EGFL8: variants seen among roughly 807,000 people sequenced by gnomAD.
The protein encoded by EGFL8 is epidermal growth factor-like protein 8.
EGFL8 carries 32 observed loss-of-function variants against 39.4 expected under a neutral mutation model. That is an observed-to-expected ratio of 0.81 (90% CI 0.61 to 1.09). EGFL8 has a LOEUF of 1.09. Ranked by LOEUF, EGFL8 falls within the 50% of genes least tolerant of loss-of-function variation. The pLI, the probability that EGFL8 is intolerant of heterozygous loss-of-function variation, is 0.00. For missense variants in EGFL8, 385 were observed against 402.2 expected (o/e 0.96, Z 0.37); for synonymous variants, 177 against 168.5 (o/e 1.05, Z -0.39).
At position 32,168,066 on chromosome 6, in the gene EGFL8, C is replaced by A; in HGVS notation, c.*110C>A. 1 of 1,133,016 alleles carries A rather than the reference C, an allele frequency of 8.8e-7. No individual in the cohort carries two copies. The highest frequency in any genetic ancestry group is 1.3e-6 in the Non-Finnish European group (1 of 754,636). The allele number at this position is 1,133,016 out of a possible 1,614,324, so 70.2% of individuals were successfully genotyped here. Reference sequence around the variant, plus strand: ...GATAAGGCTATCAGCCACCAAAGAGCAATGAACAATGGAAACTTCAGAGAG... The same window carrying A: ...GATAAGGCTATCAGCCACCAAAGAGAAATGAACAATGGAAACTTCAGAGAG... On this transcript the variant is annotated 3_prime_UTR_variant, in exon 9 of 9. Transcript: ENST00000333845. The surrounding 1 kb of genome is among the most constrained non-coding windows in gnomAD (Gnocchi z 4.5).
chr6:32,167,546 T>C lies in EGFL8; in HGVS notation c.725T>C (p.Val242Ala), dbSNP rs2127406765. ...AGAWVRAVLPVPPEELQPEQV... is the reference protein window; with the variant it reads ...AGAWVRAVLPAPPEELQPEQV... ...GCCTGGGTCAGAGCGGTGCTGCCCGTGCCGCCTGAAGAGCTGCAGCCAGAA... is the reference window on the plus strand; with the variant it reads ...GCCTGGGTCAGAGCGGTGCTGCCCGCGCCGCCTGAAGAGCTGCAGCCAGAA... The change falls in exon 8 of 9, where the codon GTG (valine) becomes GCG (alanine). Residue 242 changes from valine to alanine, a missense_variant. Transcript: ENST00000333845. The surrounding 1 kb of genome is among the most constrained non-coding windows in gnomAD (Gnocchi z 6.4). 2 of 1,609,004 alleles carry C rather than the reference T, an allele frequency of 1.2e-6. No individual in the cohort carries two copies. Among genetic ancestry groups the C allele is most frequent in the Non-Finnish European group, 1.7e-6 (2 of 1,179,808 alleles).
In EGFL8 at chr6:32,167,463, A is replaced by G. The variant is rs1315198346; in HGVS notation, c.681+34A>G. ...AGCCTGCTGGGTGGGGCGAGGCCAGACGTCACTGTCAATACCCTGAGGCAT... is the reference window on the plus strand; with the variant it reads ...AGCCTGCTGGGTGGGGCGAGGCCAGGCGTCACTGTCAATACCCTGAGGCAT... On this transcript the variant is annotated intron_variant, in intron 7 of 8. Coordinates refer to ENST00000333845, the MANE Select transcript of EGFL8 (RefSeq NM_030652.4). This position sits in a 1 kb window ranked among gnomAD's most constrained non-coding sequence, Gnocchi z 6.4. 6.2e-7 allele frequency: 1 copy of G among 1,611,672 alleles called. No homozygotes were observed. Among genetic ancestry groups the G allele is most frequent in the Non-Finnish European group, 8.5e-7 (1 of 1,180,006 alleles).
Position 32,167,437 on chromosome 6 carries a change from A to G in EGFL8, c.681+8A>G. The stretch of plus-strand genomic sequence containing the variant: ...CTGGAGCGGCTGGAGCAGGTGAGCC[A>G]AGCCTGCTGGGTGGGGCGAGGCCAG... On this transcript the variant is annotated splice_region_variant and intron_variant, in intron 7 of 8. Coordinates refer to ENST00000333845, the MANE Select transcript of EGFL8 (RefSeq NM_030652.4). This position sits in a 1 kb window ranked among gnomAD's most constrained non-coding sequence, Gnocchi z 6.4. 6.2e-7 allele frequency: 1 copy of G among 1,612,806 alleles called. No homozygotes were observed. The highest frequency in any genetic ancestry group is 1.3e-5 in the African/African-American group (1 of 75,066).
In EGFL8 at chr6:32,164,789, G is replaced by T; in HGVS notation, c.-29+132G>T. 1 of 638,734 alleles carries T rather than the reference G, an allele frequency of 1.6e-6. No individual in the cohort carries two copies. Among genetic ancestry groups the T allele is most frequent in the Non-Finnish European group, 2.9e-6 (1 of 345,366 alleles). The allele number at this position is 638,734 out of a possible 1,614,324, so 39.6% of individuals were successfully genotyped here. On this transcript the variant is annotated intron_variant, in intron 1 of 8. Coordinates refer to ENST00000333845, the MANE Select transcript of EGFL8 (RefSeq NM_030652.4). The surrounding 1 kb of genome is among the most constrained non-coding windows in gnomAD (Gnocchi z 5.4). ...GTTGGAGCAAGGGATGTGCATTTAG[G>T]GCGTTATGTGACGGTGTGGGTATAT...
chr6:32,167,161 G>A lies in EGFL8; in HGVS notation c.505G>A (p.Gly169Ser), dbSNP rs769743170. The A allele has an allele frequency of 1.1e-5, 17 of 1,612,926 alleles. No individual in the cohort carries two copies. Among genetic ancestry groups the A allele is most frequent in the Non-Finnish European group, 8.5e-6 (10 of 1,180,052 alleles). ...TAATACGGCAGGCAGCTTCACCTGCGGCTGCCCCCATGACCTAGTGCTAGG... is the reference window on the plus strand; with the variant it reads ...TAATACGGCAGGCAGCTTCACCTGCAGCTGCCCCCATGACCTAGTGCTAGG... The part of the protein sequence containing the change: ...CFNTAGSFTC[G>S]CPHDLVLGVD... Residue 169 changes from glycine to serine, a missense_variant, in exon 6 of 9, where the codon GGC becomes AGC. Gly to Ser is a moderately conservative substitution (Grantham distance 56). Transcript: ENST00000333845. This position sits in a 1 kb window ranked among gnomAD's most constrained non-coding sequence, Gnocchi z 6.4.
Position 32,166,533 on chromosome 6 carries a change from C to CG in EGFL8, c.138dup (p.Leu47AlafsTer65). ...TGCTCCAAGCAGACACTGGTGGTCC[C>CG]GCTCCACTACAACGAGTCCTACAGC... On this transcript the variant is annotated frameshift_variant, in exon 3 of 9. Coordinates refer to ENST00000333845, the MANE Select transcript of EGFL8 (RefSeq NM_030652.4). LOFTEE classifies it high-confidence loss of function. The surrounding 1 kb of genome is among the most constrained non-coding windows in gnomAD (Gnocchi z 7.3). The CG allele has an allele frequency of 6.2e-7, 1 of 1,613,898 alleles. No individual in the cohort carries two copies. The highest frequency in any genetic ancestry group is 8.5e-7 in the Non-Finnish European group (1 of 1,180,014).
rs756383733 is a variant in EGFL8 at position 32,166,935 on chromosome 6, C to T, written c.360C>T (p.Asn120=). The T allele has an allele frequency of 1.4e-5, 23 of 1,612,682 alleles. No individual in the cohort carries two copies. Among genetic ancestry groups the T allele is most frequent in the Non-Finnish European group, 1.7e-5 (20 of 1,179,300 alleles). The change falls in exon 5 of 9, where the codon AAC becomes AAT. Residue 120 remains asparagine, a synonymous_variant. Coordinates refer to ENST00000333845, the MANE Select transcript of EGFL8 (RefSeq NM_030652.4). This position sits in a 1 kb window ranked among gnomAD's most constrained non-coding sequence, Gnocchi z 7.3. ...CCATCTGCGCCAAGCCTTGCCTGAA[C>T]GGAGGCGTCTGCGTTAGGCCTGACC... ...CEAICAKPCL[N]GGVCVRPDQC...
chr6:32,166,926 T>G lies in EGFL8; in HGVS notation c.351T>G (p.Pro117=). Residue 117 remains proline (P), a synonymous_variant, in exon 5 of 9, where the codon CCT becomes CCG. Coordinates refer to ENST00000333845, the MANE Select transcript of EGFL8 (RefSeq NM_030652.4). The surrounding 1 kb of genome is among the most constrained non-coding windows in gnomAD (Gnocchi z 7.3). ...ALTCEAICAK[P]CLNGGVCVRP... ...TGTCCTCAGCCATCTGCGCCAAGCC[T>G]TGCCTGAACGGAGGCGTCTGCGTTA... The G allele has an allele frequency of 6.2e-7, 1 of 1,612,288 alleles. No individual in the cohort carries two copies. Among genetic ancestry groups the G allele is most frequent in the Non-Finnish European group, 8.5e-7 (1 of 1,178,948 alleles).
In EGFL8 at chr6:32,166,448, G is replaced by C; in HGVS notation, c.102-50G>C. ...GGGAAGTGGGACTCCTGGCTCCCCAGGGCCTGGCCTACTCAATCTCTCCCA... is the reference window on the plus strand; with the variant it reads ...GGGAAGTGGGACTCCTGGCTCCCCACGGCCTGGCCTACTCAATCTCTCCCA... On this transcript the variant is annotated intron_variant, in intron 2 of 8. Coordinates refer to ENST00000333845, the MANE Select transcript of EGFL8 (RefSeq NM_030652.4). The surrounding 1 kb of genome is among the most constrained non-coding windows in gnomAD (Gnocchi z 7.3). 6.2e-7 allele frequency: 1 copy of C among 1,612,442 alleles called. No individual in the cohort carries two copies. The highest frequency in any genetic ancestry group is 8.5e-7 in the Non-Finnish European group (1 of 1,179,474).
rs1237466390 is a variant in EGFL8 at position 32,167,411 on chromosome 6, CCTGGAGCGG to C, written c.671_679del (p.Arg224_Glu226del). ...AGGAGATTCACGAGCTGCGAGGGCG[CCTGGAGCGG>C]CTGGAGCAGGTGAGCCAAGCCTGCT... On this transcript the variant is annotated inframe_deletion, in exon 7 of 9. Transcript: ENST00000333845. This position sits in a 1 kb window ranked among gnomAD's most constrained non-coding sequence, Gnocchi z 6.4. 6.2e-6 allele frequency: 10 copies of C among 1,612,880 alleles called. No individual in the cohort carries two copies. Among genetic ancestry groups the C allele is most frequent in the East Asian group, 4.5e-5 (2 of 44,896 alleles).
At position 32,167,389 on chromosome 6, in the gene EGFL8, A is replaced by G; in HGVS notation, c.641A>G (p.Glu214Gly). Residue 214 changes from glutamate to glycine, a missense_variant, in exon 7 of 9, where the codon GAG becomes GGG. Transcript: ENST00000333845. The surrounding 1 kb of genome is among the most constrained non-coding windows in gnomAD (Gnocchi z 6.4). ...AAAGATGAGCGCGCTCTGAAGCAGG[A>G]GATTCACGAGCTGCGAGGGCGCCTG... ...AEKDERALKQ[E>G]IHELRGRLER... The G allele has an allele frequency of 6.2e-7, 1 of 1,613,050 alleles. No homozygotes were observed. The highest frequency in any genetic ancestry group is 8.5e-7 in the Non-Finnish European group (1 of 1,180,024).
In EGFL8 at chr6:32,167,039, G is replaced by T; in HGVS notation, c.430+34G>T. On this transcript the variant is annotated intron_variant, in intron 5 of 8. Transcript: ENST00000333845. This position sits in a 1 kb window ranked among gnomAD's most constrained non-coding sequence, Gnocchi z 6.4. ...GCTTGTCCTCCCCACCTACCCAGGT[G>T]CTTGCCCCCGCCCCCTCTCTCAGCC... The T allele has an allele frequency of 6.2e-7, 1 of 1,612,950 alleles. No homozygotes were observed. Among genetic ancestry groups the T allele is most frequent in the African/African-American group, 1.3e-5 (1 of 75,064 alleles).
Position 32,167,632 on chromosome 6 carries a change from C to T in EGFL8, c.811C>T (p.Leu271=), listed in dbSNP as rs1367504742. 2 of 1,609,906 alleles carry T rather than the reference C, an allele frequency of 1.2e-6. No homozygotes were observed. The highest frequency in any genetic ancestry group is 1.1e-5 in the South Asian group (1 of 90,836). ...RIESLSDQVL[L]LEERLGACSC... The stretch of plus-strand genomic sequence containing the variant: ...CGAATCTCTCAGCGACCAGGTGCTG[C>T]TGCTGGAGGAGAGGCTAGGTGCCTG... Residue 271 remains leucine, a synonymous_variant, in exon 8 of 9, where the codon CTG becomes TTG. Coordinates refer to ENST00000333845, the MANE Select transcript of EGFL8 (RefSeq NM_030652.4). This position sits in a 1 kb window ranked among gnomAD's most constrained non-coding sequence, Gnocchi z 6.4.
At position 32,166,803 on chromosome 6, in the gene EGFL8, C is replaced by T. The variant is rs145530750; in HGVS notation, c.327C>T (p.Thr109=). ...GWKKRHPGAL[T]CEAICAKPCL... ...AGAAGCGGCACCCGGGGGCGCTCAC[C>T]TGTGAAGGTGAGGCTGGGTCTTCCG... The change falls in exon 4 of 9, where the codon ACC becomes ACT. Residue 109 remains threonine (T), a synonymous_variant. Transcript: ENST00000333845. The surrounding 1 kb of genome is among the most constrained non-coding windows in gnomAD (Gnocchi z 7.3). The T allele has an allele frequency of 2.5e-6, 4 of 1,572,148 alleles. No individual in the cohort carries two copies. The highest frequency in any genetic ancestry group is 3.5e-6 in the Non-Finnish European group (4 of 1,157,850).
chr6:32,168,190 A>G lies in EGFL8; in HGVS notation c.*234A>G. On this transcript the variant is annotated 3_prime_UTR_variant, in exon 9 of 9. Coordinates refer to ENST00000333845, the MANE Select transcript of EGFL8 (RefSeq NM_030652.4). This position sits in a 1 kb window ranked among gnomAD's most constrained non-coding sequence, Gnocchi z 4.5. The stretch of plus-strand genomic sequence containing the variant: ...GAACTGCTTCTTCAATTCCTTAACA[A>G]ATGCAACCACCAACACCCAGATCTC... 2.0e-6 allele frequency: 1 copy of G among 497,480 alleles called. No homozygotes were observed. The highest frequency in any genetic ancestry group is 3.6e-6 in the Non-Finnish European group (1 of 276,430). 30.8% of individuals were successfully genotyped at this position (497,480 alleles called of 1,614,324 possible). A position where few individuals can be genotyped will look rare whatever the true frequency, so the allele number is the denominator to read the frequency against.
At position 32,166,317 on chromosome 6, in the gene EGFL8, T is replaced by C; in HGVS notation, c.101+51T>C. 6.2e-7 allele frequency: 1 copy of C among 1,603,970 alleles called. No homozygotes were observed. The highest frequency in any genetic ancestry group is 8.5e-7 in the Non-Finnish European group (1 of 1,172,460). ...GGGTGAGCTCTTCTCAGGAGCCTTC[T>C]GCTGGGGGTGGGGCTTCACAGGAGG... is the stretch of plus-strand genomic sequence containing the variant. On this transcript the variant is annotated intron_variant, in intron 2 of 8. Transcript: ENST00000333845. The surrounding 1 kb of genome is among the most constrained non-coding windows in gnomAD (Gnocchi z 7.3).
Position 32,167,682 on chromosome 6 carries a change from T to C in EGFL8, c.835+26T>C. The C allele has an allele frequency of 6.3e-7, 1 of 1,583,442 alleles. No homozygotes were observed. On this transcript the variant is annotated intron_variant, in intron 8 of 8. Coordinates refer to ENST00000333845, the MANE Select transcript of EGFL8 (RefSeq NM_030652.4). This position sits in a 1 kb window ranked among gnomAD's most constrained non-coding sequence, Gnocchi z 6.4. Reference sequence around the variant, plus strand: ...GTGAGTCCTCACACTCCTCCCGCCTTGACTTCTATTCCCCAACTTTCCCCA... The same window carrying C: ...GTGAGTCCTCACACTCCTCCCGCCTCGACTTCTATTCCCCAACTTTCCCCA...
At position 32,167,397 on chromosome 6, in the gene EGFL8, G is replaced by C. The variant is rs1302949528; in HGVS notation, c.649G>C (p.Glu217Gln). ...GCGCGCTCTGAAGCAGGAGATTCAC[G>C]AGCTGCGAGGGCGCCTGGAGCGGCT... is the stretch of plus-strand genomic sequence containing the variant. The part of the protein sequence containing the change: ...DERALKQEIH[E>Q]LRGRLERLEQ... The change falls in exon 7 of 9, where the codon GAG becomes CAG. Residue 217 changes from glutamate (E) to glutamine (Q), a missense_variant. By Grantham distance (29) the Glu-to-Gln change is conservative. Coordinates refer to ENST00000333845, the MANE Select transcript of EGFL8 (RefSeq NM_030652.4). The surrounding 1 kb of genome is among the most constrained non-coding windows in gnomAD (Gnocchi z 6.4). 1.9e-6 allele frequency: 3 copies of C among 1,612,942 alleles called. No individual in the cohort carries two copies. Among genetic ancestry groups the C allele is most frequent in the African/African-American group, 1.3e-5 (1 of 74,958 alleles).
In EGFL8 at chr6:32,167,757, A is replaced by G; in HGVS notation, c.835+101A>G. ...CCTCTTTCCTCCAAGCCCCTCTCCA[A>G]CATTCACTATCCTCATGCCTCTCCA... On this transcript the variant is annotated intron_variant, in intron 8 of 8. Transcript: ENST00000333845. The surrounding 1 kb of genome is among the most constrained non-coding windows in gnomAD (Gnocchi z 6.4). The G allele has an allele frequency of 2.0e-6, 3 of 1,533,878 alleles. No homozygotes were observed. Among genetic ancestry groups the G allele is most frequent in the Non-Finnish European group, 2.7e-6 (3 of 1,128,158 alleles).
Sources: allele counts gnomAD v4.1 joint callset, GRCh38; gene constraint gnomAD v4.1.1; non-coding constraint Gnocchi (gnomAD v3.1); transcripts MANE v1.5; gene names NCBI Gene and HGNC (gene_info 2026-07-23, HGNC 2026-07-21).